The following THSD7B variants were observed in gnomAD, a reference collection of about 807,000 sequenced individuals.
THSD7B encodes thrombospondin type-1 domain-containing protein 7B.
THSD7B carries 138 observed loss-of-function variants against 213.6 expected under a neutral mutation model. That is an observed-to-expected ratio of 0.65 (90% CI 0.56 to 0.74). The LOEUF is 0.74. Ranked by LOEUF, THSD7B falls within the 30% of genes least tolerant of loss-of-function variation. The probability of loss-of-function intolerance (pLI) is 0.00; values close to 1 mark genes in which losing one functional copy is unlikely to be tolerated. For synonymous variants in THSD7B, 742 were observed against 687.0 expected, an observed-to-expected ratio of 1.08 and a Z score of -1.25; for missense variants, 1,931 against 1,991.5, an observed-to-expected ratio of 0.97 and a Z score of 0.58.
chr2:136,821,596 G>A (rs187868490), intron 1 of THSD7B, among the ~76,000 whole-genome samples: 2 of 152,286 alleles, frequency 1.3e-5, no homozygotes, highest in East Asian at 1.9e-4. Flanking sequence ...AGCTGGACTT[G>A]GTGGAGAAGG....
intron 7 of THSD7B, among the ~76,000 whole-genome samples, chr2:137,203,828 T>A (rs55707650): frequency 0.28 from 42,226 of 151,792 alleles, 6,562 homozygotes; most frequent in Non-Finnish European, 0.35. Flanking sequence ...TAATAGAGAT[T>A]TAGAAAAGTA....
chr2:137,513,513 A>G (rs1680009773), intron 15 of THSD7B, among the ~76,000 whole-genome samples: 1 of 152,218 alleles, frequency 6.6e-6, no homozygotes, highest in Non-Finnish European at 1.5e-5. Flanking sequence ...AAGTAGGCAT[A>G]CATATATTAT....
At chr2:137,051,189 C>A (rs955947763) in intron 2 of THSD7B, among the ~76,000 whole-genome samples, 1 of 152,248 alleles carries the variant, frequency 6.6e-6, no homozygotes, top group Non-Finnish European at 1.5e-5. Context: ...AAGGAAGGAC[C>A]AAACACCCTC....
At chr2:136,830,411 C>CTATAAA (rs1553451429) in intron 1 of THSD7B, among the ~76,000 whole-genome samples, 1 of 152,026 alleles carries the variant, frequency 6.6e-6, no homozygotes, top group Non-Finnish European at 1.5e-5. Flanking sequence ...CCCAGTGATC[C>CTATAAA]TATGTTTTTC....
At chr2:137,057,802 G>A (rs189771464) in intron 3 of THSD7B, among the ~76,000 whole-genome samples, 10 of 152,228 alleles carry the variant, frequency 6.6e-5, no homozygotes, top group South Asian at 4.1e-4. Context: ...ATTAACTTGC[G>A]CAAGCAGTAA....
intron 15 of THSD7B, among the ~76,000 whole-genome samples, chr2:137,464,781 G>A (rs1687959497): frequency 6.6e-6 from 1 of 151,908 alleles, no homozygotes; most frequent in Non-Finnish European, 1.5e-5. Context: ...ATTTTACTGA[G>A]GATAGTGTGT....
chr2:137,484,126 C>A (rs1345226772), intron 15 of THSD7B, among the ~76,000 whole-genome samples: 3 of 150,778 alleles, frequency 2.0e-5, no homozygotes, highest in Non-Finnish European at 1.5e-5. Context: ...CCCATTACCT[C>A]GTCATTTAGC....
chr2:137,315,378 C>T lies in THSD7B; in HGVS notation c.2500+39352C>T, dbSNP rs542294815. Among the ~76,000 whole-genome samples, 13 of 152,208 alleles carry T rather than the reference C, an allele frequency of 8.5e-5. No individual in the cohort carries two copies. In the South Asian group the frequency reaches 1.2e-3, roughly 15 times the overall value. Reference sequence around the variant, plus strand: ...GCCCTGCTTCGGCTCATGCACAGTGCGCGCACCCACTGACCTGCGCCCACT... The same window carrying T: ...GCCCTGCTTCGGCTCATGCACAGTGTGCGCACCCACTGACCTGCGCCCACT... On this transcript the variant is annotated intron_variant, in intron 12 of 27. Coordinates refer to ENST00000409968, the MANE Select transcript of THSD7B (RefSeq NM_001316349.2).
At chr2:137,041,036 G>A (rs7556997) in intron 2 of THSD7B, among the ~76,000 whole-genome samples, 108,398 of 152,098 alleles carry the variant, frequency 0.71, 39,181 homozygotes, top group South Asian at 0.83. Context: ...TTAAATTTCC[G>A]TATCTAGTCC....
intron 1 of THSD7B, among the ~76,000 whole-genome samples, chr2:136,833,257 C>T (rs551515933): frequency 3.2e-4 from 46 of 142,980 alleles, no homozygotes; most frequent in Non-Finnish European, 5.6e-4. Flanking sequence ...CCCAGCTACT[C>T]GGGAGGCTGA....
intron 2 of THSD7B, among the ~76,000 whole-genome samples, chr2:137,025,673 G>A (rs2104847143): frequency 6.6e-6 from 1 of 152,236 alleles, no homozygotes; most frequent in South Asian, 2.1e-4. Context: ...GAGAAAATAA[G>A]TGTGTGGGAA....
At chr2:137,580,565 G>C (rs1390972581) in intron 17 of THSD7B, among the ~76,000 whole-genome samples, 1 of 151,944 alleles carries the variant, frequency 6.6e-6, no homozygotes, top group East Asian at 1.9e-4. Flanking sequence ...TACTTTATTA[G>C]GAAGAACTTT....
chr2:137,510,061 T>C (rs1004391206), intron 15 of THSD7B, among the ~76,000 whole-genome samples: 7 of 152,168 alleles, frequency 4.6e-5, no homozygotes, highest in African/African-American at 1.7e-4. Context: ...TGGAGATTAT[T>C]TTTTACATAG....
In THSD7B at chr2:137,574,782, T is replaced by C. The variant is rs566294264; in HGVS notation, c.3423+2226T>C. On this transcript the variant is annotated intron_variant, in intron 17 of 27. Transcript: ENST00000409968. Reference sequence around the variant, plus strand: ...ATCTTAGCATAATGTCCCGTCATCATAGGACAATCCCAGTCAGTATTGGAC... The same window carrying C: ...ATCTTAGCATAATGTCCCGTCATCACAGGACAATCCCAGTCAGTATTGGAC... Among the ~76,000 whole-genome samples the C allele has an allele frequency of 5.9e-5, 9 of 152,252 alleles. No homozygotes were observed. The East Asian group carries it at 1.5e-3, about 26-fold the overall frequency.
chr2:137,468,618 G>T (rs1434945540), intron 15 of THSD7B, among the ~76,000 whole-genome samples: 1 of 8,188 alleles, frequency 1.2e-4, no homozygotes, highest in Non-Finnish European at 5.7e-4. Flanking sequence ...AGATTTGTGT[G>T]TGTGGAGGGG....
chr2:137,242,843 T>C (rs1681942990), intron 10 of THSD7B, among the ~76,000 whole-genome samples: 1 of 152,182 alleles, frequency 6.6e-6, no homozygotes. Context: ...CGTTGTGGCA[T>C]TTTGAACAGT....
chr2:136,814,507 TC>T (rs1682439402), intron 1 of THSD7B, among the ~76,000 whole-genome samples: 1 of 152,066 alleles, frequency 6.6e-6, no homozygotes, highest in Non-Finnish European at 1.5e-5. Context: ...CACGCCATTC[TC>T]CTGCCTCAGC....
intron 15 of THSD7B, among the ~76,000 whole-genome samples, chr2:137,464,352 A>G (rs1036875831): frequency 1.9e-4 from 29 of 152,048 alleles, no homozygotes; most frequent in Non-Finnish European, 3.7e-4. Context: ...TTTTATTATT[A>G]AGTGCAGACA....
intron 1 of THSD7B, among the ~76,000 whole-genome samples, chr2:136,853,346 C>G (rs1170462654): frequency 6.6e-6 from 1 of 152,146 alleles, no homozygotes; most frequent in Non-Finnish European, 1.5e-5. Flanking sequence ...TCTCTTATCT[C>G]TCATGTCCTA....
Sources: allele counts gnomAD v4.1 joint callset (sites outside exome capture counted in the v4.1 genomes callset), GRCh38; gene constraint gnomAD v4.1.1; transcripts MANE v1.5; gene names NCBI Gene and HGNC (gene_info 2026-07-23, HGNC 2026-07-21).